RBM19: variants seen among roughly 807,000 people sequenced by gnomAD.
RBM19 encodes the protein RNA binding motif protein 19, also known as probable RNA-binding protein 19.
A neutral mutation model predicts 116.8 loss-of-function variants in RBM19; 94 were observed. The observed-to-expected ratio is 0.80, with a 90% CI of 0.68 to 0.95. The LOEUF (loss-of-function observed/expected upper bound fraction) is 0.95, where lower values mean the gene tolerates loss of function less well. Among genes scored for constraint, RBM19 ranks in the 40% least tolerant of loss-of-function variants. The pLI is 0.00. For missense variants in RBM19, 1,161 were observed against 1,220.7 expected (o/e 0.95, Z 0.73); for synonymous variants, 475 against 494.1 (o/e 0.96, Z 0.51).
chr12:113,859,345 T>C (rs1244506520), intron 21 of RBM19, among the ~76,000 whole-genome samples: 3 of 152,170 alleles, frequency 2.0e-5, no homozygotes, highest in African/African-American at 7.2e-5. Flanking sequence ...AAACTGCCTG[T>C]ATGTCTGAGC....
intron 21 of RBM19, among the ~76,000 whole-genome samples, chr12:113,887,392 C>T (rs1264030696): frequency 1.3e-5 from 2 of 152,022 alleles, no homozygotes; most frequent in African/African-American, 4.8e-5. Context: ...AATCCCAGCA[C>T]TTTGGGAGGC....
intron 10 of RBM19, 121 bp downstream of exon 10, chr12:113,948,712 G>A: frequency 9.9e-7 from 1 of 1,013,918 alleles, no homozygotes; most frequent in Non-Finnish European, 1.4e-6. Context: ...TTACAGATGA[G>A]AAAACTGAGG....
intron 14 of RBM19, among the ~76,000 whole-genome samples, chr12:113,941,029 T>G (rs542205743): frequency 1.3e-5 from 2 of 152,252 alleles, no homozygotes; most frequent in Non-Finnish European, 2.9e-5. Flanking sequence ...AAAGAGCCAA[T>G]AAAATATAAT....
At chr12:113,866,163 T>C (rs1878793680) in intron 21 of RBM19, among the ~76,000 whole-genome samples, 1 of 152,184 alleles carries the variant, frequency 6.6e-6, no homozygotes, top group Non-Finnish European at 1.5e-5. Context: ...TCTCCCTTCT[T>C]AGAGTGCCTT....
At chr12:113,884,146 T>TCAC (rs1880357918) in intron 21 of RBM19, among the ~76,000 whole-genome samples, 1 of 143,100 alleles carries the variant, frequency 7.0e-6, no homozygotes, top group Non-Finnish European at 1.5e-5. Context: ...TCGCCAGGCA[T>TCAC]GGTGATGCAA....
At chr12:113,957,753 C>T (rs900143908) in intron 6 of RBM19, 29 bp downstream of exon 6, 19 of 1,539,630 alleles carry the variant, frequency 1.2e-5, no homozygotes, top group Non-Finnish European at 1.6e-5. Context: ...CGCACCTCCT[C>T]CCTCATCACC....
intron 23 of RBM19, among the ~76,000 whole-genome samples, chr12:113,827,408 T>C (rs561598282): frequency 2.0e-5 from 3 of 151,800 alleles, no homozygotes; most frequent in East Asian, 1.9e-4. Context: ...TTTCAATTAA[T>C]TCCTTGACAG....
At chr12:113,876,650 G>A (rs1381010533) in intron 21 of RBM19, among the ~76,000 whole-genome samples, 1 of 152,022 alleles carries the variant, frequency 6.6e-6, no homozygotes, top group Non-Finnish European at 1.5e-5. Context: ...AATAAGCTGG[G>A]TGTGGTGGTG....
At chr12:113,861,935 G>A (rs552195536) in intron 21 of RBM19, among the ~76,000 whole-genome samples, 6 of 152,192 alleles carry the variant, frequency 3.9e-5, no homozygotes, top group East Asian at 3.9e-4. Flanking sequence ...CAAATGAAAC[G>A]CCACCCACAA....
intron 23 of RBM19, among the ~76,000 whole-genome samples, chr12:113,824,317 A>C (rs1410353916): frequency 6.6e-6 from 1 of 152,188 alleles, no homozygotes; most frequent in African/African-American, 2.4e-5. Context: ...TTTTTATGAA[A>C]GTCTCGGGTT....
intron 21 of RBM19, among the ~76,000 whole-genome samples, chr12:113,870,947 A>G (rs1879161978): frequency 1.3e-5 from 2 of 152,182 alleles, no homozygotes; most frequent in Non-Finnish European, 2.9e-5. Context: ...GGGCATCTCT[A>G]TGACAGGGGC....
chr12:113,925,052 A>G (rs1053125987), intron 17 of RBM19, among the ~76,000 whole-genome samples: 1 of 152,230 alleles, frequency 6.6e-6, no homozygotes, highest in Non-Finnish European at 1.5e-5. Flanking sequence ...GTTCCGAAGC[A>G]TGGGGTCTAC....
chr12:113,941,246 G>A (rs1297551902), intron 14 of RBM19, among the ~76,000 whole-genome samples: 1 of 152,172 alleles, frequency 6.6e-6, no homozygotes, highest in Non-Finnish European at 1.5e-5. Context: ...ACCATCTGCA[G>A]GTGGGAAAGG....
chr12:113,952,448 G>C (rs1871547575), intron 8 of RBM19, 64 bp downstream of exon 8: 1 of 1,436,224 alleles, frequency 7.0e-7, no homozygotes, highest in Non-Finnish European at 9.7e-7. Flanking sequence ...CCTTATTCAA[G>C]TACCCCAACC....
chr12:113,918,085 T>C (rs1026233553), intron 20 of RBM19, among the ~76,000 whole-genome samples: 4 of 151,872 alleles, frequency 2.6e-5, no homozygotes, highest in Non-Finnish European at 5.9e-5. Flanking sequence ...TATCCCAAGA[T>C]GAGTGTTGTT....
chr12:113,952,683 T>C, intron 7 of RBM19, 93 bp from the exon 8 acceptor site: 1 of 965,080 alleles, frequency 1.0e-6, no homozygotes, highest in Non-Finnish European at 1.6e-6. Flanking sequence ...TCAGAAAGGA[T>C]TACAAAGTGT....
Position 113,958,011 on chromosome 12 carries a change from T to A in RBM19, c.611A>T (p.Glu204Val), listed in dbSNP as rs1287288716. ...SLEPKAAVQK[E>V]LSDMDYLKSK... ...TTTCAGGTAATCCATGTCCGACAGCTCCTTCTGCACAGCTGCCTTTGGTTC... is the reference window on the plus strand; with the variant it reads ...TTTCAGGTAATCCATGTCCGACAGCACCTTCTGCACAGCTGCCTTTGGTTC... Residue 204 changes from glutamate (E) to valine (V), a missense_variant, in exon 6 of 24, where the codon GAG (glutamate) becomes GTG (valine). Glu to Val is a moderately radical substitution (Grantham distance 121). Coordinates refer to ENST00000261741, the MANE Select transcript of RBM19 (RefSeq NM_016196.4). 6.2e-7 allele frequency: 1 copy of A among 1,613,968 alleles called. No individual in the cohort carries two copies. Among genetic ancestry groups the A allele is most frequent in the South Asian group, 1.1e-5 (1 of 91,060 alleles).
intron 21 of RBM19, among the ~76,000 whole-genome samples, chr12:113,888,571 C>T (rs1225497899): frequency 1.3e-5 from 2 of 152,008 alleles, no homozygotes; most frequent in African/African-American, 2.4e-5. Flanking sequence ...TCTTAAGATT[C>T]TTAAGAGAAA....
At chr12:113,921,940 C>T (rs931167020) in intron 18 of RBM19, among the ~76,000 whole-genome samples, 1 of 152,204 alleles carries the variant, frequency 6.6e-6, no homozygotes, top group African/African-American at 2.4e-5. Context: ...TTCCTTGCTT[C>T]CTGTTGGGAT....
Sources: allele counts gnomAD v4.1 joint callset (sites outside exome capture counted in the v4.1 genomes callset), GRCh38; gene constraint gnomAD v4.1.1; transcripts MANE v1.5; gene names NCBI Gene and HGNC (gene_info 2026-07-23, HGNC 2026-07-21).